Variants in PXDNL observed in about 807,000 individuals in gnomAD.
PXDNL encodes probable oxidoreductase PXDNL.
Under a neutral mutation model 150.8 loss-of-function variants are expected in PXDNL, and 145 were observed. That is an observed-to-expected ratio of 0.96 (90% CI 0.84 to 1.10). The LOEUF is 1.10. Among genes scored for constraint, PXDNL ranks in the 50% least tolerant of loss-of-function variants. PXDNL has a pLI of 0.00. For synonymous variants in PXDNL, 757 were observed against 725.7 expected, an observed-to-expected ratio of 1.04 and a Z score of -0.69; for missense variants, 2,087 against 1,873.9, an observed-to-expected ratio of 1.11 and a Z score of -2.10.
intron 17 of PXDNL, among the ~76,000 whole-genome samples, chr8:51,401,305 A>C (rs1266534950): frequency 6.6e-6 from 1 of 152,222 alleles, no homozygotes; most frequent in Non-Finnish European, 1.5e-5. Flanking sequence ...TTACCATAAA[A>C]GACTATGTAA....
intron 1 of PXDNL, among the ~76,000 whole-genome samples, chr8:51,780,427 C>A (rs192737160): frequency 6.6e-6 from 1 of 151,992 alleles, no homozygotes; most frequent in Non-Finnish European, 1.5e-5. Context: ...TTCCAAGAAC[C>A]CCAGGTCAAG....
At chr8:51,629,515 A>G (rs190833912) in intron 2 of PXDNL, among the ~76,000 whole-genome samples, 33 of 152,344 alleles carry the variant, frequency 2.2e-4, no homozygotes, top group African/African-American at 6.7e-4. Context: ...TTCAAGAAAT[A>G]GTAGACAAAA....
At chr8:51,654,084 C>T (rs549110390) in intron 2 of PXDNL, among the ~76,000 whole-genome samples, 12 of 152,282 alleles carry the variant, frequency 7.9e-5, no homozygotes, top group Admixed American at 3.9e-4. Context: ...CATGTGCATT[C>T]GGATCCAAAT....
intron 21 of PXDNL, among the ~76,000 whole-genome samples, chr8:51,338,947 T>C (rs1805910587): frequency 6.6e-6 from 1 of 152,110 alleles, no homozygotes; most frequent in Non-Finnish European, 1.5e-5. Flanking sequence ...GTATACATCG[T>C]GCTGTTAAAA....
At chr8:51,337,170 T>C (rs1805852868) in intron 21 of PXDNL, among the ~76,000 whole-genome samples, 1 of 152,100 alleles carries the variant, frequency 6.6e-6, no homozygotes, top group Non-Finnish European at 1.5e-5. Flanking sequence ...ACTACTGCAG[T>C]CTTGGGGTAT....
chr8:51,762,449 C>A (rs777066398), intron 1 of PXDNL, among the ~76,000 whole-genome samples: 8 of 152,290 alleles, frequency 5.3e-5, no homozygotes, highest in Admixed American at 2.0e-4. Context: ...AGTTCACAAC[C>A]TGCTGCTCTC....
chr8:51,805,177 G>C (rs973216094), intron 1 of PXDNL, among the ~76,000 whole-genome samples: 2 of 151,830 alleles, frequency 1.3e-5, no homozygotes, highest in Non-Finnish European at 2.9e-5. Flanking sequence ...GGTGGGGGAA[G>C]GTCCAAAAAG....
At chr8:51,345,540 A>G (rs1170563474) in intron 20 of PXDNL, among the ~76,000 whole-genome samples, 1 of 152,196 alleles carries the variant, frequency 6.6e-6, no homozygotes, top group Non-Finnish European at 1.5e-5. Context: ...AATCTGAAAA[A>G]TATCAACTCA....
chr8:51,415,192 T>C (rs1256639749), intron 14 of PXDNL, among the ~76,000 whole-genome samples: 1 of 152,228 alleles, frequency 6.6e-6, no homozygotes, highest in Non-Finnish European at 1.5e-5. Context: ...AGAATGTTTA[T>C]TGCAACTTTG....
At position 51,404,393 on chromosome 8, in the gene PXDNL, AGAGT is replaced by A. The variant is rs1283751555; in HGVS notation, c.3557+3670_3557+3673del. Among the ~76,000 whole-genome samples, 602 of 151,050 alleles carry A rather than the reference AGAGT, an allele frequency of 4.0e-3. 17 individuals carry two copies. Among genetic ancestry groups the A allele is most frequent in the African/African-American group, 0.014 (579 of 40,352 alleles). The stretch of plus-strand genomic sequence containing the variant: ...TGTTTACAATCCCTGAGCTAGACAC[AGAGT>A]CCTGATTGGTGCATTTATAATCCCC... On this transcript the variant is annotated intron_variant, in intron 17 of 22. Coordinates refer to ENST00000356297, the MANE Select transcript of PXDNL (RefSeq NM_144651.5).
At chr8:51,636,288 A>G (rs552803393) in intron 2 of PXDNL, among the ~76,000 whole-genome samples, 1 of 152,296 alleles carries the variant, frequency 6.6e-6, no homozygotes, top group East Asian at 1.9e-4. Context: ...GATCAAGAAC[A>G]TGACAAAGAT....
At chr8:51,640,153 AC>A (rs1447898195) in intron 2 of PXDNL, among the ~76,000 whole-genome samples, 1 of 152,032 alleles carries the variant, frequency 6.6e-6, no homozygotes, top group Non-Finnish European at 1.5e-5. Flanking sequence ...AAATTCAACA[AC>A]CCTTCATGCT....
At chr8:51,373,699 G>C (rs530120920) in intron 18 of PXDNL, among the ~76,000 whole-genome samples, 1 of 152,148 alleles carries the variant, frequency 6.6e-6, no homozygotes, top group African/African-American at 2.4e-5. Context: ...TAAAAACTAA[G>C]CTCTGGGCTT....
At chr8:51,705,516 A>C (rs1816358216) in intron 1 of PXDNL, among the ~76,000 whole-genome samples, 1 of 152,216 alleles carries the variant, frequency 6.6e-6, no homozygotes, top group African/African-American at 2.4e-5. Flanking sequence ...GCTAACTCTG[A>C]GGGAGAAGAA....
rs759113039 is a variant in PXDNL at position 51,409,295 on chromosome 8, G to A, written c.2329C>T (p.Leu777Phe). The change falls in exon 17 of 23, where the codon CTC becomes TTC. Residue 777 changes from leucine to phenylalanine, a missense_variant. Leu to Phe is a conservative substitution (Grantham distance 22, BLOSUM62 0). Coordinates refer to ENST00000356297, the MANE Select transcript of PXDNL (RefSeq NM_144651.5). ...LGLPVGSRQP[L>F]PPPRLVATVW... is the part of the protein sequence containing the mutation. Reference sequence around the variant, plus strand: ...GTGGCGACCAGCCGGGGCGGCGGGAGGGGCTGGCGGGAGCCCACAGGAAGG... The same window carrying A: ...GTGGCGACCAGCCGGGGCGGCGGGAAGGGCTGGCGGGAGCCCACAGGAAGG... 3.5e-6 allele frequency: 5 copies of A among 1,416,476 alleles called. No individual in the cohort carries two copies. In the South Asian group the frequency reaches 6.1e-5, roughly 17 times the overall value. The allele number at this position is 1,416,476 out of a possible 1,614,324, so 87.7% of individuals were successfully genotyped here.
chr8:51,731,192 T>C (rs1267974662), intron 1 of PXDNL, among the ~76,000 whole-genome samples: 3 of 152,120 alleles, frequency 2.0e-5, no homozygotes, highest in Non-Finnish European at 4.4e-5. Context: ...CAAAAGCAAG[T>C]TAGTTACTTC....
chr8:51,431,219 C>T (rs1170163081), intron 12 of PXDNL, among the ~76,000 whole-genome samples: 1 of 152,174 alleles, frequency 6.6e-6, no homozygotes, highest in East Asian at 1.9e-4. Flanking sequence ...ATTTAATGCT[C>T]ATGCTCTTCC....
intron 1 of PXDNL, among the ~76,000 whole-genome samples, chr8:51,771,023 A>G (rs1283428685): frequency 6.6e-6 from 1 of 152,254 alleles, no homozygotes; most frequent in Non-Finnish European, 1.5e-5. Context: ...CCTAAAGACA[A>G]TGACACACAT....
At chr8:51,757,279 C>G (rs1261808469) in intron 1 of PXDNL, among the ~76,000 whole-genome samples, 2 of 152,158 alleles carry the variant, frequency 1.3e-5, no homozygotes, top group Non-Finnish European at 2.9e-5. Flanking sequence ...AGTCATTATT[C>G]TGAATCAGAT....
Sources: gnomAD v4.1 joint callset for allele counts (sites outside exome capture counted in the v4.1 genomes callset) on GRCh38, gnomAD v4.1.1 for gene constraint, MANE v1.5 for transcripts, NCBI Gene and HGNC (gene_info 2026-07-23, HGNC 2026-07-21) for gene names.